SPOCK1: variants seen among roughly 807,000 people sequenced by gnomAD.
The protein encoded by SPOCK1 is testican-1.
A neutral mutation model predicts 55.3 loss-of-function variants in SPOCK1; 23 were observed. That is an observed-to-expected ratio of 0.42 (90% CI 0.30 to 0.59). The LOEUF (loss-of-function observed/expected upper bound fraction) is 0.59. Among genes scored for constraint, SPOCK1 ranks in the 20% least tolerant of loss-of-function variants. The pLI, the probability that SPOCK1 is intolerant of heterozygous loss-of-function variation, is 0.22. For missense variants in SPOCK1, 499 were observed against 552.5 expected (o/e 0.90, Z 0.97); for synonymous variants, 226 against 221.0 (o/e 1.02, Z -0.20).
At chr5:137,127,814 A>G (rs904422315) in intron 4 of SPOCK1, among the ~76,000 whole-genome samples, 1 of 152,342 alleles carries the variant, frequency 6.6e-6, no homozygotes, top group Non-Finnish European at 1.5e-5. Flanking sequence ...AGTATCTTGA[A>G]TCTCATTCCT....
intron 6 of SPOCK1, among the ~76,000 whole-genome samples, chr5:137,055,004 GT>G (rs1326107906): frequency 2.6e-5 from 4 of 152,034 alleles, no homozygotes; most frequent in African/African-American, 4.8e-5. Flanking sequence ...ATGAAACCTA[GT>G]TCTTCTGACC....
intron 2 of SPOCK1, among the ~76,000 whole-genome samples, chr5:137,417,853 T>C (rs1175439456): frequency 1.3e-5 from 2 of 152,234 alleles, no homozygotes; most frequent in African/African-American, 2.4e-5. Context: ...GTGCACAACG[T>C]GCAGGTTTGT....
At chr5:137,263,910 T>C (rs1756798640) in intron 3 of SPOCK1, among the ~76,000 whole-genome samples, 1 of 152,228 alleles carries the variant, frequency 6.6e-6, no homozygotes, top group Non-Finnish European at 1.5e-5. Flanking sequence ...GATACTTTTC[T>C]TCTAACTGCC....
At chr5:136,981,696 G>A (rs1444180442) in intron 9 of SPOCK1, among the ~76,000 whole-genome samples, 1 of 152,078 alleles carries the variant, frequency 6.6e-6, no homozygotes, top group Admixed American at 6.6e-5. Context: ...TTTCTTCTGT[G>A]GTACGGTCTG....
At chr5:137,464,285 G>C (rs1753553343) in intron 2 of SPOCK1, among the ~76,000 whole-genome samples, 1 of 152,134 alleles carries the variant, frequency 6.6e-6, no homozygotes. Context: ...CTTAGTGACA[G>C]AGCAAGATCT....
chr5:137,488,198 G>A (rs571464032), intron 2 of SPOCK1, among the ~76,000 whole-genome samples: 45 of 152,186 alleles, frequency 3.0e-4, no homozygotes, highest in African/African-American at 1.0e-3. Flanking sequence ...CCAATGCGGC[G>A]AAACCCCATC....
Position 137,307,684 on chromosome 5 carries a change from A to T in SPOCK1, c.187-40629T>A, listed in dbSNP as rs918719893. ...TTAGTCATTGGTGACCACTTCGGTG[A>T]CTTAGAGAGCACATCATAAAAACTG... On this transcript the variant is annotated intron_variant, in intron 2 of 10. Transcript: ENST00000394945. Among the ~76,000 whole-genome samples, 5 of 152,342 alleles carry T rather than the reference A, an allele frequency of 3.3e-5. No individual in the cohort carries two copies. In the Middle Eastern group the frequency reaches 0.01, roughly 311 times the overall value.
intron 2 of SPOCK1, among the ~76,000 whole-genome samples, chr5:137,267,620 C>T (rs905771353): frequency 1.3e-5 from 2 of 152,218 alleles, no homozygotes; most frequent in African/African-American, 4.8e-5. Flanking sequence ...CAAAGGCTGG[C>T]CAGTCTGGTC....
intron 2 of SPOCK1, among the ~76,000 whole-genome samples, chr5:137,476,033 G>A (rs1753830702): frequency 1.2e-5 from 1 of 85,062 alleles, no homozygotes; most frequent in African/African-American, 5.6e-5. Flanking sequence ...GCAAATTATA[G>A]GTTTTTTTTT....
intron 2 of SPOCK1, among the ~76,000 whole-genome samples, chr5:137,486,582 G>A (rs982776388): frequency 2.0e-5 from 3 of 152,178 alleles, no homozygotes; most frequent in Non-Finnish European, 4.4e-5. Flanking sequence ...AGTATCTTTG[G>A]TATGAACACA....
At chr5:137,389,642 G>T (rs1751673526) in intron 2 of SPOCK1, among the ~76,000 whole-genome samples, 1 of 152,214 alleles carries the variant, frequency 6.6e-6, no homozygotes, top group South Asian at 2.1e-4. Flanking sequence ...CACAGACTAA[G>T]AGCCACAAAG....
intron 2 of SPOCK1, among the ~76,000 whole-genome samples, chr5:137,446,783 C>T (rs1344874297): frequency 1.3e-5 from 2 of 152,114 alleles, no homozygotes; most frequent in African/African-American, 4.8e-5. Context: ...AAAACTGAAA[C>T]CCTATACTCA....
chr5:137,317,148 G>T lies in SPOCK1; in HGVS notation c.187-50093C>A, dbSNP rs182786598. On this transcript the variant is annotated intron_variant, in intron 2 of 10. Transcript: ENST00000394945. Reference sequence around the variant, plus strand: ...TGTCTTTTGGCAGAGGTGAGTGCGGGTATCCTGGGGGAGAGTCTCTGGTCA... The same window carrying T: ...TGTCTTTTGGCAGAGGTGAGTGCGGTTATCCTGGGGGAGAGTCTCTGGTCA... 1.8e-3 allele frequency among the ~76,000 whole-genome samples: 276 copies of T among 152,294 alleles called. 1 individual carries two copies. The Middle Eastern group carries it at 0.034, about 19-fold the overall frequency.
chr5:137,020,589 T>C (rs1168436965), intron 6 of SPOCK1, among the ~76,000 whole-genome samples: 1 of 151,948 alleles, frequency 6.6e-6, no homozygotes, highest in Admixed American at 6.6e-5. Flanking sequence ...AAATTAACAA[T>C]TTCTTTGTAT....
intron 3 of SPOCK1, among the ~76,000 whole-genome samples, chr5:137,170,349 G>A (rs952998359): frequency 1.3e-5 from 2 of 152,120 alleles, no homozygotes; most frequent in Admixed American, 6.5e-5. Context: ...GGTGTTCCAG[G>A]CACTGGACCA....
At chr5:136,990,554 C>CTT (rs1346340300) in intron 7 of SPOCK1, among the ~76,000 whole-genome samples, 2 of 146,104 alleles carry the variant, frequency 1.4e-5, no homozygotes, top group African/African-American at 2.5e-5. Context: ...CCACCCCCCT[C>CTT]TTTTTTTTTT....
In SPOCK1 at chr5:136,991,251, G is replaced by GA. The variant is rs138528266; in HGVS notation, c.706+1232dup. Among the ~76,000 whole-genome samples the GA allele has an allele frequency of 7.2e-3, 1,086 of 151,514 alleles. 7 individuals carry two copies. Among genetic ancestry groups the GA allele is most frequent in the Non-Finnish European group, 9.9e-3 (675 of 67,854 alleles). On this transcript the variant is annotated intron_variant, in intron 7 of 10. Coordinates refer to ENST00000394945, the MANE Select transcript of SPOCK1 (RefSeq NM_004598.4). ...CAGGCTGCTCCTAGAGGATCCAGGGGAAAAAAAATCTTATTTTGCTTTTCC... is the reference window on the plus strand; with the variant it reads ...CAGGCTGCTCCTAGAGGATCCAGGGGAAAAAAAAATCTTATTTTGCTTTTCC...
At chr5:137,463,105 G>C (rs1380525075) in intron 2 of SPOCK1, among the ~76,000 whole-genome samples, 1 of 152,160 alleles carries the variant, frequency 6.6e-6, no homozygotes, top group African/African-American at 2.4e-5. Context: ...TCAGATTTAG[G>C]TTTCAGAAAT....
intron 2 of SPOCK1, among the ~76,000 whole-genome samples, chr5:137,380,463 A>G (rs1256994181): frequency 6.6e-6 from 1 of 152,198 alleles, no homozygotes; most frequent in Non-Finnish European, 1.5e-5. Flanking sequence ...CCATTTTCAC[A>G]CTGCTATGAA....
Sources: gnomAD v4.1 joint callset for allele counts (sites outside exome capture counted in the v4.1 genomes callset) on GRCh38, gnomAD v4.1.1 for gene constraint, MANE v1.5 for transcripts, NCBI Gene and HGNC (gene_info 2026-07-23, HGNC 2026-07-21) for gene names.